The following PRPSAP2 variants were observed in gnomAD, a reference collection of about 807,000 sequenced individuals.
The protein encoded by PRPSAP2 is phosphoribosyl pyrophosphate synthase-associated protein 2.
PRPSAP2 carries 24 observed loss-of-function variants against 40.6 expected under a neutral mutation model. That is an observed-to-expected ratio of 0.59 (90% CI 0.43 to 0.83). The LOEUF is 0.83. Ranked by LOEUF, PRPSAP2 falls within the 40% of genes least tolerant of loss-of-function variation. The pLI is 0.00. For synonymous variants in PRPSAP2, 149 were observed against 164.7 expected, an observed-to-expected ratio of 0.90 and a Z score of 0.73; for missense variants, 292 against 465.6, an observed-to-expected ratio of 0.63 and a Z score of 3.43.
At chr17:18,860,753 C>T (rs951319275) in intron 1 of PRPSAP2, 10 of 152,180 alleles carry the variant, frequency 6.6e-5, no homozygotes, top group African/African-American at 2.2e-4. Context: ...TCTTCCCCAT[C>T]TGAAATGTGG....
chr17:18,875,216 A>G (rs1202581195), intron 5 of PRPSAP2, among the ~76,000 whole-genome samples: 2 of 152,108 alleles, frequency 1.3e-5, no homozygotes, highest in East Asian at 1.9e-4. Flanking sequence ...AGTCTTGTCC[A>G]TGTTGCAGAG....
chr17:18,875,647 A>G (rs1341408426), intron 5 of PRPSAP2, among the ~76,000 whole-genome samples: 2 of 151,690 alleles, frequency 1.3e-5, no homozygotes, highest in East Asian at 3.9e-4. Flanking sequence ...GCAGATCAGG[A>G]GTTCAAGACC....
At chr17:18,863,690 G>A (rs867420642) in intron 1 of PRPSAP2, among the ~76,000 whole-genome samples, 5 of 151,790 alleles carry the variant, frequency 3.3e-5, no homozygotes, top group Admixed American at 2.6e-4. Context: ...CTGCCACCAC[G>A]CCCGGCTAAT....
At chr17:18,875,108 C>T (rs12451220) in intron 5 of PRPSAP2, among the ~76,000 whole-genome samples, 80,332 of 151,980 alleles carry the variant, frequency 0.53, 21,484 homozygotes, top group Middle Eastern at 0.6. Context: ...TTTCATATTC[C>T]TCTAATCAGA....
At chr17:18,917,798 G>A (rs970370432) in intron 9 of PRPSAP2, among the ~76,000 whole-genome samples, 8 of 150,970 alleles carry the variant, frequency 5.3e-5, no homozygotes, top group African/African-American at 1.7e-4. Context: ...AGAAAAGATG[G>A]GAGAGAGGCT....
rs1026173378 is a variant in PRPSAP2 at position 18,877,834 on chromosome 17, G to C, written c.376G>C (p.Val126Leu). The change falls in exon 6 of 12, where the codon GTC becomes CTC. Residue 126 changes from valine (V) to leucine (L), a missense_variant. Val to Leu is a conservative substitution (Grantham distance 32). Around this residue, in one of 2 missense-constraint regions of PRPSAP2, gnomAD observed 241 missense variants for 425.7 expected, o/e 0.57. Coordinates refer to ENST00000268835, the MANE Select transcript of PRPSAP2 (RefSeq NM_002767.4). ...QCKMRKRGSIVSKLLASMMCK... is the reference protein window; with the variant it reads ...QCKMRKRGSILSKLLASMMCK... ...CAAGATGAGAAAAAGAGGCTCCATT[G>C]TCTCTAAATTGCTGGCTTCCATGAT... 6.2e-7 allele frequency: 1 copy of C among 1,613,024 alleles called. No individual in the cohort carries two copies.
Position 18,922,362 on chromosome 17 carries a change from C to CT in PRPSAP2, c.734-1546dup, listed in dbSNP as rs370204669. Among the ~76,000 whole-genome samples, 605 of 152,248 alleles carry CT rather than the reference C, an allele frequency of 4.0e-3. 3 individuals carry two copies. The highest frequency in any genetic ancestry group is 0.014 in the African/African-American group (575 of 41,542). On this transcript the variant is annotated intron_variant, in intron 9 of 11. Coordinates refer to ENST00000268835, the MANE Select transcript of PRPSAP2 (RefSeq NM_002767.4). Reference sequence around the variant, plus strand: ...TAACTTTTTGAGGAACTGCCAGACTCTTTTTTCACAGCAGCTGCACCATTT... The same window carrying CT: ...TAACTTTTTGAGGAACTGCCAGACTCTTTTTTTCACAGCAGCTGCACCATTT...
At chr17:18,885,864 G>A (rs62075125) in intron 7 of PRPSAP2, among the ~76,000 whole-genome samples, 2 of 152,048 alleles carry the variant, frequency 1.3e-5, no homozygotes, top group Non-Finnish European at 1.5e-5. Flanking sequence ...TGGGATTACA[G>A]GTGTGAACCA....
intron 8 of PRPSAP2, chr17:18,908,606 TG>T: frequency 1.4e-6 from 1 of 724,646 alleles, no homozygotes; most frequent in Non-Finnish European, 2.6e-6. Context: ...AAGCCCAACA[TG>T]GGTAGTGACC....
intron 7 of PRPSAP2, among the ~76,000 whole-genome samples, chr17:18,883,403 CTTT>C (rs3043912): frequency 5.2e-5 from 7 of 134,234 alleles, no homozygotes; most frequent in Non-Finnish European, 9.3e-5. Flanking sequence ...GTTTTTCTTT[CTTT>C]TTTTTTTTTT....
chr17:18,867,911 C>G (rs1003678830), intron 4 of PRPSAP2, among the ~76,000 whole-genome samples: 3 of 151,898 alleles, frequency 2.0e-5, no homozygotes, highest in Non-Finnish European at 4.4e-5. Context: ...CTGAGGCAGG[C>G]AGATTCCTTG....
chr17:18,858,866 T>A (rs2036795447), intron 1 of PRPSAP2, among the ~76,000 whole-genome samples: 1 of 152,090 alleles, frequency 6.6e-6, no homozygotes, highest in Non-Finnish European at 1.5e-5. Context: ...TGAGGTGTGA[T>A]CTCTAGTGTT....
At chr17:18,898,031 G>A (rs1031745328) in intron 8 of PRPSAP2, among the ~76,000 whole-genome samples, 8 of 126,974 alleles carry the variant, frequency 6.3e-5, no homozygotes, top group East Asian at 2.4e-4. Context: ...GCAGTGTCTC[G>A]CTCTGTCACC....
intron 7 of PRPSAP2, among the ~76,000 whole-genome samples, chr17:18,884,890 G>C (rs1195600811): frequency 3.3e-5 from 5 of 152,198 alleles, no homozygotes; most frequent in Non-Finnish European, 7.3e-5. Flanking sequence ...CAGGACACAG[G>C]CATGTTGTGT....
intron 9 of PRPSAP2, chr17:18,917,671 A>G (rs1420699751): frequency 7.6e-6 from 1 of 132,078 alleles, no homozygotes; most frequent in East Asian, 2.3e-4. Flanking sequence ...AACTGACTGC[A>G]AGTGATTCGC....
chr17:18,897,812 C>T (rs1269764000), intron 8 of PRPSAP2, among the ~76,000 whole-genome samples: 1 of 151,572 alleles, frequency 6.6e-6, no homozygotes, highest in African/African-American at 2.4e-5. Context: ...AATAGTTGTT[C>T]TAAGTATTTT....
chr17:18,883,158 C>T (rs547289373), intron 7 of PRPSAP2, among the ~76,000 whole-genome samples: 6 of 152,224 alleles, frequency 3.9e-5, no homozygotes, highest in South Asian at 4.1e-4. Flanking sequence ...TGTCCTGAAG[C>T]GGTGCTGAAT....
intron 8 of PRPSAP2, among the ~76,000 whole-genome samples, chr17:18,895,210 T>A (rs1471760491): frequency 6.6e-6 from 1 of 151,754 alleles, no homozygotes; most frequent in South Asian, 2.1e-4. Context: ...TTCAGCCTCC[T>A]AAGTAGCTAG....
At chr17:18,924,196 C>T (rs1170445662) in intron 10 of PRPSAP2, among the ~76,000 whole-genome samples, 5 of 152,098 alleles carry the variant, frequency 3.3e-5, no homozygotes, top group African/African-American at 7.2e-5. Context: ...CCTGCTACCA[C>T]GCCTGGCTAA....
Sources: gnomAD v4.1 joint callset for allele counts (sites outside exome capture counted in the v4.1 genomes callset) on GRCh38, gnomAD v4.1.1 for gene constraint, gnomAD v4.1.1 regional missense constraint, MANE v1.5 for transcripts, NCBI Gene and HGNC (gene_info 2026-07-23, HGNC 2026-07-21) for gene names.